Variants in KAT2B observed in about 807,000 individuals in gnomAD.
KAT2B encodes the protein histone acetyltransferase KAT2B.
KAT2B carries 36 observed loss-of-function variants against 105.9 expected under a neutral mutation model. That is an observed-to-expected ratio of 0.34 (90% confidence interval 0.26 to 0.45). The LOEUF is 0.45. KAT2B is among the 20% of genes least tolerant of loss of function. KAT2B has a pLI of 1.00. For synonymous variants in KAT2B, 397 were observed against 377.9 expected (o/e 1.05, Z -0.59); for missense variants, 820 against 1,021.6 (o/e 0.80, Z 2.69).
chr3:20,091,910 T>C (rs1698725579), intron 2 of KAT2B, among the ~76,000 whole-genome samples: 1 of 152,200 alleles, frequency 6.6e-6, no homozygotes, highest in African/African-American at 2.4e-5. Flanking sequence ...TCCAATACTT[T>C]CCTACCAGTG....
At chr3:20,136,616 T>C (rs759628939) in intron 11 of KAT2B, among the ~76,000 whole-genome samples, 2 of 152,182 alleles carry the variant, frequency 1.3e-5, no homozygotes, top group Non-Finnish European at 2.9e-5. Flanking sequence ...TGAAAACTTT[T>C]ATATTACTAT....
chr3:20,066,937 C>A (rs1487751302), intron 1 of KAT2B, among the ~76,000 whole-genome samples: 2 of 152,136 alleles, frequency 1.3e-5, no homozygotes, highest in African/African-American at 4.8e-5. Flanking sequence ...TAACACATCT[C>A]AATTTTTATT....
At position 20,148,060 on chromosome 3, in the gene KAT2B, A is replaced by T. The variant is rs1699808405; in HGVS notation, c.2156+61A>T. 6 of 1,556,446 alleles carry T rather than the reference A, an allele frequency of 3.9e-6. 1 individual carries two copies. In the South Asian group the frequency reaches 6.8e-5, roughly 18 times the overall value. On this transcript the variant is annotated intron_variant, in intron 15 of 17. Coordinates refer to ENST00000263754, the MANE Select transcript of KAT2B (RefSeq NM_003884.5). ...GATTTTTTTTTTTCCCCACCAAGCA[A>T]CTTAAAGAAAAACGGCAAACTAATT...
At chr3:20,120,987 A>G (rs1699297878) in intron 8 of KAT2B, among the ~76,000 whole-genome samples, 1 of 152,096 alleles carries the variant, frequency 6.6e-6, no homozygotes, top group Non-Finnish European at 1.5e-5. Flanking sequence ...CTTTTTAAAA[A>G]AAATCATAAA....
In KAT2B at chr3:20,072,320, A is replaced by G. The variant is rs769969403; in HGVS notation, c.304-13A>G. On this transcript the variant is annotated splice_polypyrimidine_tract_variant and intron_variant, in intron 1 of 17. Transcript: ENST00000263754. ...GTTAAATAATTTTGTCTCTTTCTTT[A>G]TTCCATTTTTAGGCCGAGGAGTCTT... 14 of 1,612,760 alleles carry G rather than the reference A, an allele frequency of 8.7e-6. No individual in the cohort carries two copies. The Admixed American group carries it at 1.3e-4, about 15-fold the overall frequency.
chr3:20,042,178 C>G (rs563526454), intron 1 of KAT2B, among the ~76,000 whole-genome samples: 75 of 152,304 alleles, frequency 4.9e-4, no homozygotes, highest in Non-Finnish European at 7.9e-4. Context: ...TGATGCTATG[C>G]TAGTCCACAG....
chr3:20,066,786 A>T (rs1054241333), intron 1 of KAT2B, among the ~76,000 whole-genome samples: 7 of 152,030 alleles, frequency 4.6e-5, no homozygotes, highest in Non-Finnish European at 1.0e-4. Flanking sequence ...ATTTAATTTT[A>T]TTAATTCTAA....
intron 8 of KAT2B, among the ~76,000 whole-genome samples, chr3:20,120,764 G>A (rs1300957475): frequency 6.6e-6 from 1 of 152,118 alleles, no homozygotes; most frequent in African/African-American, 2.4e-5. Context: ...TTTGAAGGTT[G>A]CATTTCTGTC....
rs775863470 is a variant in KAT2B at position 20,101,422 on chromosome 3, C to T, written c.805C>T (p.Arg269Ter). ...GGAGGCACCATCTCAACGAAGACTG[C>T]GATCTCCCAATGATGATATTTCTGG... ...HLEAPSQRRL[R>*]SPNDDISGYK... is the part of the protein sequence containing the mutation. Residue 269 changes from arginine to a stop codon, truncating the protein, a stop_gained, in exon 5 of 18, where the codon CGA becomes TGA. Coordinates refer to ENST00000263754, the MANE Select transcript of KAT2B (RefSeq NM_003884.5). LOFTEE classifies it high-confidence loss of function. 1.1e-5 allele frequency: 18 copies of T among 1,613,842 alleles called. No homozygotes were observed. Among genetic ancestry groups the T allele is most frequent in the African/African-American group, 2.7e-5 (2 of 74,918 alleles).
intron 17 of KAT2B, among the ~76,000 whole-genome samples, chr3:20,150,366 T>A (rs1236448370): frequency 7.2e-5 from 11 of 152,214 alleles, no homozygotes; most frequent in Non-Finnish European, 1.5e-4. Flanking sequence ...CTAATAACAT[T>A]ACTTTTCTTT....
chr3:20,128,213 G>A lies in KAT2B; in HGVS notation c.1749+664G>A, dbSNP rs77481541. Among the ~76,000 whole-genome samples, 1,220 of 152,314 alleles carry A rather than the reference G, an allele frequency of 8.0e-3. 74 individuals are homozygous for A. The East Asian group carries it at 0.16, about 20-fold the overall frequency. ...GGATATTTGAAAAATAGATCTCAGT[G>A]TTCATTGTTAATTTACACATACACG... On this transcript the variant is annotated intron_variant, in intron 11 of 17. Coordinates refer to ENST00000263754, the MANE Select transcript of KAT2B (RefSeq NM_003884.5).
chr3:20,050,018 G>A (rs964346445), intron 1 of KAT2B, among the ~76,000 whole-genome samples: 1 of 152,062 alleles, frequency 6.6e-6, no homozygotes, highest in Non-Finnish European at 1.5e-5. Flanking sequence ...TGGGCAACAC[G>A]GTGAGACCCG....
rs187406655 is a variant in KAT2B at position 20,153,409 on chromosome 3, G to A, written c.*884G>A. 20 of 152,422 alleles carry A rather than the reference G, an allele frequency of 1.3e-4. No individual in the cohort carries two copies. The highest frequency in any genetic ancestry group is 3.9e-4 in the African/African-American group (16 of 41,552). The allele number at this position is 152,422 out of a possible 1,614,324, so 9.4% of individuals were successfully genotyped here. ...ATATGTATCAATCTGGTGAATCCTC[G>A]TTCTAATAAAGGTTCTTTTTCTTTT... On this transcript the variant is annotated 3_prime_UTR_variant, in exon 18 of 18. Coordinates refer to ENST00000263754, the MANE Select transcript of KAT2B (RefSeq NM_003884.5).
At chr3:20,078,684 GATATATGTGTAT>G (rs1452847843) in intron 2 of KAT2B, among the ~76,000 whole-genome samples, 2 of 151,352 alleles carry the variant, frequency 1.3e-5, no homozygotes, top group East Asian at 3.9e-4. Flanking sequence ...ATCTTTTTCT[GATATATGTGTAT>G]ATATATGTAT....
chr3:20,078,751 C>T (rs1479577282), intron 2 of KAT2B, among the ~76,000 whole-genome samples: 1 of 151,730 alleles, frequency 6.6e-6, no homozygotes, highest in Non-Finnish European at 1.5e-5. Flanking sequence ...TGTTTTTTGT[C>T]ACTATAGATT....
chr3:20,088,155 G>A (rs918934282), intron 2 of KAT2B, among the ~76,000 whole-genome samples: 6 of 152,086 alleles, frequency 3.9e-5, no homozygotes, highest in Non-Finnish European at 5.9e-5. Flanking sequence ...CATTTGTTGG[G>A]GTGGACACTT....
At chr3:20,082,221 GA>G (rs1420334903) in intron 2 of KAT2B, among the ~76,000 whole-genome samples, 1 of 151,936 alleles carries the variant, frequency 6.6e-6, no homozygotes, top group African/African-American at 2.4e-5. Flanking sequence ...TTTTAGTAGA[GA>G]TGGGGTTTCA....
chr3:20,047,248 TGTTTCGCCAACCTGG>T (rs1272656268), intron 1 of KAT2B, among the ~76,000 whole-genome samples: 4 of 151,968 alleles, frequency 2.6e-5, no homozygotes, highest in Non-Finnish European at 5.9e-5. Context: ...TTTATAGAGA[TGTTTCGCCAACCTGG>T]GTTTCGCCAT....
chr3:20,040,500 G>A lies in KAT2B; in HGVS notation c.23G>A (p.Gly8Glu). The change falls in exon 1 of 18, where the codon GGG becomes GAG. Residue 8 changes from glycine (G) to glutamate (E), a missense_variant. By Grantham distance (98) the Gly-to-Glu change is moderately conservative (BLOSUM62 -2). Coordinates refer to ENST00000263754, the MANE Select transcript of KAT2B (RefSeq NM_003884.5). ...GGCATGTCCGAGGCTGGCGGGGCCG[G>A]GCCGGGCGGCTGCGGGGCAGGAGCC... MSEAGGA[G>E]PGGCGAGAGA... 1 of 1,036,796 alleles carries A rather than the reference G, an allele frequency of 9.6e-7. No individual in the cohort carries two copies. The highest frequency in any genetic ancestry group is 1.2e-6 in the Non-Finnish European group (1 of 864,932). 64.2% of individuals were successfully genotyped at this position (1,036,796 alleles called of 1,614,324 possible).
Sources: gnomAD v4.1 joint callset for allele counts (sites outside exome capture counted in the v4.1 genomes callset) on GRCh38, gnomAD v4.1.1 for gene constraint, MANE v1.5 for transcripts, NCBI Gene and HGNC (gene_info 2026-07-23, HGNC 2026-07-21) for gene names.